The following SLC35D4 variants were observed in gnomAD, a reference collection of about 807,000 sequenced individuals.
The protein encoded by SLC35D4 is solute carrier family 35 member D4, also known as UDP-N-acetylglucosamine transporter SLC35D4.
At chr18:23,277,862 G>A in the SLC35D4 span, among the ~76,000 whole-genome samples, 2 of 152,322 alleles carry the variant, frequency 1.3e-5, no homozygotes, top group Non-Finnish European at 2.9e-5. Flanking sequence ...GGGGCTCCGA[G>A]GAGGAGGGCT....
the SLC35D4 span, chr18:23,297,699 T>G: frequency 1.5e-5 from 5 of 326,482 alleles, no homozygotes; most frequent in East Asian, 3.0e-4. Flanking sequence ...GTACTTCCTG[T>G]TTCTGCAGAA....
chr18:23,409,671 C>T, the SLC35D4 span, among the ~76,000 whole-genome samples: 7 of 151,882 alleles, frequency 4.6e-5, no homozygotes, highest in African/African-American at 1.2e-4. Context: ...AGTAAAACAC[C>T]GTCTCAACTA....
chr18:23,276,708 C>T, the SLC35D4 span, among the ~76,000 whole-genome samples: 2 of 152,246 alleles, frequency 1.3e-5, no homozygotes, highest in Admixed American at 6.5e-5. Context: ...CCGGCGCTAG[C>T]CAGTCCCTGC....
chr18:23,320,023 G>T, the SLC35D4 span, among the ~76,000 whole-genome samples: 1 of 152,198 alleles, frequency 6.6e-6, no homozygotes, highest in Non-Finnish European at 1.5e-5. Context: ...GGAGCTTCTT[G>T]AATCCATGGG....
chr18:23,416,890 G>A, the SLC35D4 span, among the ~76,000 whole-genome samples: 3 of 152,228 alleles, frequency 2.0e-5, no homozygotes, highest in Non-Finnish European at 2.9e-5. Context: ...ACTTCTTGCA[G>A]GGAAGCAATC....
the SLC35D4 span, among the ~76,000 whole-genome samples, chr18:23,246,691 A>G: frequency 1.3e-5 from 2 of 150,742 alleles, no homozygotes; most frequent in Admixed American, 1.3e-4. Context: ...GCACCCGGCC[A>G]GTTTTTTCGT....
the SLC35D4 span, among the ~76,000 whole-genome samples, chr18:23,268,544 C>T: frequency 1.3e-5 from 2 of 151,898 alleles, no homozygotes; most frequent in Admixed American, 6.6e-5. Context: ...AGTCAAGGTT[C>T]GAGAGTCACA....
the SLC35D4 span, among the ~76,000 whole-genome samples, chr18:23,251,555 A>G: frequency 6.6e-6 from 1 of 152,220 alleles, no homozygotes; most frequent in African/African-American, 2.4e-5. Flanking sequence ...AAACCCAGAA[A>G]AAAATTGTTT....
the SLC35D4 span, among the ~76,000 whole-genome samples, chr18:23,409,887 A>C: frequency 1.7e-4 from 26 of 151,880 alleles, no homozygotes; most frequent in Admixed American, 4.6e-4. Flanking sequence ...ATCTGTATTG[A>C]ACATAGACAG....
At chr18:23,350,520 G>C in the SLC35D4 span, among the ~76,000 whole-genome samples, 1 of 152,230 alleles carries the variant, frequency 6.6e-6, no homozygotes, top group South Asian at 2.1e-4. Flanking sequence ...ACGTGAGCCT[G>C]TTCCATCACT....
the SLC35D4 span, among the ~76,000 whole-genome samples, chr18:23,312,403 C>T: frequency 2.0e-5 from 3 of 152,202 alleles, no homozygotes; most frequent in Admixed American, 2.0e-4. Context: ...GTGCCTTCGC[C>T]GTCTGCCACT....
the SLC35D4 span, among the ~76,000 whole-genome samples, chr18:23,427,660 C>T: frequency 6.6e-6 from 1 of 152,220 alleles, no homozygotes. Flanking sequence ...CCAGCAATCC[C>T]ATTACTGGGT....
the SLC35D4 span, among the ~76,000 whole-genome samples, chr18:23,366,041 A>G: frequency 4.6e-5 from 7 of 152,352 alleles, no homozygotes; most frequent in South Asian, 1.5e-3. Context: ...TGTAAAAGCT[A>G]GCTGTTGTGT....
the SLC35D4 span, among the ~76,000 whole-genome samples, chr18:23,291,288 G>A: frequency 6.6e-6 from 1 of 152,240 alleles, no homozygotes; most frequent in Non-Finnish European, 1.5e-5. Context: ...GAAGAACAGA[G>A]TTCAAGGGTC....
chr18:23,405,023 A>AAAC, the SLC35D4 span, among the ~76,000 whole-genome samples: 8 of 131,610 alleles, frequency 6.1e-5, no homozygotes, highest in African/African-American at 2.4e-4. Flanking sequence ...AAAAAAAAAA[A>AAAC]CAGGCCCAAG....
chr18:23,368,002 G>A, the SLC35D4 span, among the ~76,000 whole-genome samples: 21 of 152,182 alleles, frequency 1.4e-4, no homozygotes, highest in Admixed American at 3.9e-4. Context: ...TTCTCTGCTT[G>A]GCTTGGGACA....
At chr18:23,351,901 G>A in the SLC35D4 span, among the ~76,000 whole-genome samples, 1 of 152,114 alleles carries the variant, frequency 6.6e-6, no homozygotes, top group African/African-American at 2.4e-5. Flanking sequence ...ACCTTGGATC[G>A]ACTGAGTCCC....
the SLC35D4 span, among the ~76,000 whole-genome samples, chr18:23,401,072 AT>A: frequency 6.6e-6 from 1 of 152,168 alleles, no homozygotes; most frequent in Non-Finnish European, 1.5e-5. Flanking sequence ...TATATGCTGC[AT>A]TTTTTGTTTT....
chr18:23,352,646 C>T, the SLC35D4 span, among the ~76,000 whole-genome samples: 3 of 152,096 alleles, frequency 2.0e-5, no homozygotes, highest in African/African-American at 7.2e-5. Flanking sequence ...AAATTTTTTT[C>T]AAGCAAGATA....
Sources: allele counts gnomAD v4.1 joint callset (sites outside exome capture counted in the v4.1 genomes callset), GRCh38; gene constraint gnomAD v4.1.1; transcripts MANE v1.5; gene names NCBI Gene and HGNC (gene_info 2026-07-23, HGNC 2026-07-21).